Variants in SEMA6C observed in about 807,000 individuals in gnomAD.
SEMA6C encodes the protein semaphorin-6C.
Under a neutral mutation model 72.9 loss-of-function variants are expected in SEMA6C, and 37 were observed. The ratio of observed to expected loss-of-function variants is 0.51; its 90% CI spans 0.39 to 0.67. The LOEUF (loss-of-function observed/expected upper bound fraction) is 0.67. SEMA6C is among the 30% of genes least tolerant of loss of function. SEMA6C has a pLI of 0.00. For missense variants in SEMA6C, 1,189 were observed against 1,263.6 expected (o/e 0.94, Z 0.89); for synonymous variants, 578 against 554.1 (o/e 1.04, Z -0.61).
Position 151,135,714 on chromosome 1 carries a change from T to C in SEMA6C, c.1310A>G (p.Asn437Ser). The change falls in exon 14 of 19, where the codon AAC becomes AGC. Residue 437 changes from asparagine to serine, a missense_variant. Coordinates refer to ENST00000368914, the MANE Select transcript of SEMA6C (RefSeq NM_030913.6). Reference protein sequence around the residue: ...AVDGMAGPHSNITVMFLGSND... With the variant: ...AVDGMAGPHSSITVMFLGSND... The stretch of plus-strand genomic sequence containing the variant: ...GGAGCCAAGGAACATGACTGTGATG[T>C]TACTGTGGGGACCAGCCATGCCATC... 6.2e-7 allele frequency: 1 copy of C among 1,614,152 alleles called. No homozygotes were observed. Among genetic ancestry groups the C allele is most frequent in the Non-Finnish European group, 8.5e-7 (1 of 1,180,018 alleles).
intron 8 of SEMA6C, 83 bp downstream of exon 8, chr1:151,138,232 TG>T: frequency 1.3e-6 from 2 of 1,583,794 alleles, no homozygotes; most frequent in South Asian, 1.2e-5. Context: ...CTCAGGGGAA[TG>T]GGGGAAAGAC....
intron 10 of SEMA6C, among the ~76,000 whole-genome samples, chr1:151,137,440 C>T (rs1430629401): frequency 7.2e-5 from 5 of 69,292 alleles, no homozygotes; most frequent in South Asian, 6.3e-4. Flanking sequence ...AGCAAGACTC[C>T]GTCTCAAAAA....
rs979058681 is a variant in SEMA6C at position 151,132,319 on chromosome 1, C to T, written c.*165G>A. ...CTTCTGTCGAGGACAGGGGGAAAGA[C>T]AGTCAATAAATAAACCCGAGGCGAA... is the stretch of plus-strand genomic sequence containing the variant. On this transcript the variant is annotated 3_prime_UTR_variant, in exon 19 of 19. Transcript: ENST00000368914. 20 of 1,540,416 alleles carry T rather than the reference C, an allele frequency of 1.3e-5. No homozygotes were observed. Among genetic ancestry groups the T allele is most frequent in the Admixed American group, 5.9e-5 (3 of 50,586 alleles).
rs199644598 is a variant in SEMA6C, at chr1:151,135,722, G to A, written c.1302C>T (p.Pro434=). The A allele has an allele frequency of 9.8e-5, 158 of 1,614,190 alleles. No homozygotes were observed. The highest frequency in any genetic ancestry group is 3.2e-4 in the Admixed American group (19 of 60,022). The change falls in exon 14 of 19, where the codon CCC becomes CCT. Residue 434 remains proline, a synonymous_variant. Transcript: ENST00000368914. ...TQVAVDGMAG[P]HSNITVMFLG... ...GGAACATGACTGTGATGTTACTGTG[G>A]GGACCAGCCATGCCATCCACAGCTA...
chr1:151,141,058 A>C (rs1682504534), intron 3 of SEMA6C, among the ~76,000 whole-genome samples: 1 of 152,022 alleles, frequency 6.6e-6, no homozygotes. Flanking sequence ...AGTGTTTGCT[A>C]TTCTTATATA....
At chr1:151,142,450 T>A in intron 3 of SEMA6C, 54 bp downstream of exon 3, 1 of 1,606,798 alleles carries the variant, frequency 6.2e-7, no homozygotes, top group East Asian at 2.2e-5. Flanking sequence ...ACACAGGGGG[T>A]CTCAGTCTCT....
In SEMA6C at chr1:151,132,725, C is replaced by T. The variant is rs975109929; in HGVS notation, c.2552G>A (p.Arg851Lys). Residue 851 changes from arginine (R) to lysine (K), a missense_variant, in exon 19 of 19, where the codon AGG becomes AAG. Around this residue, in one of 2 missense-constraint regions of SEMA6C, gnomAD observed 721 missense variants for 686.2 expected, o/e 1.05. Transcript: ENST00000368914. ...APRLGVGGGR[R>K]LPFSGHRAPP... ...GGCCCGGTGGCCGGAGAAAGGCAAC[C>T]TCCGGCCTCCGCCGACGCCCAGCCG... 1.4e-6 allele frequency: 2 copies of T among 1,471,902 alleles called. No individual in the cohort carries two copies. The highest frequency in any genetic ancestry group is 1.4e-5 in the African/African-American group (1 of 69,278). The allele number at this position is 1,471,902 out of a possible 1,614,324, so 91.2% of individuals were successfully genotyped here.
In SEMA6C at chr1:151,146,421, C is replaced by G. The variant is rs1224428557; in HGVS notation, c.-105+12G>C. On this transcript the variant is annotated intron_variant, in intron 1 of 18. Transcript: ENST00000368914. The surrounding 1 kb of genome is among the most constrained non-coding windows in gnomAD (Gnocchi z 4.6). ...GCCTCCCCGCAGCCCCTTCCCTGCC[C>G]GGGGTACTTGCTCCAGGATTCGGGT... is the stretch of plus-strand genomic sequence containing the variant. 1 of 152,338 alleles carries G rather than the reference C, an allele frequency of 6.6e-6. No individual in the cohort carries two copies. The highest frequency in any genetic ancestry group is 1.5e-5 in the Non-Finnish European group (1 of 68,128). 9.4% of individuals were successfully genotyped at this position (152,338 alleles called of 1,614,324 possible). A position where few individuals can be genotyped will look rare whatever the true frequency, so the allele number is the denominator to read the frequency against.
At position 151,135,145 on chromosome 1, in the gene SEMA6C, G is replaced by A; in HGVS notation, c.1580+18C>T. 6.2e-7 allele frequency: 1 copy of A among 1,612,002 alleles called. No individual in the cohort carries two copies. The highest frequency in any genetic ancestry group is 1.7e-5 in the Admixed American group (1 of 59,700). ...GGGGAGCTTGCCCACACAGGGCCTG[G>A]CCTCAGGCCCCTCTCACCTCTGACA... On this transcript the variant is annotated intron_variant, in intron 15 of 18. Transcript: ENST00000368914.
intron 10 of SEMA6C, among the ~76,000 whole-genome samples, chr1:151,137,343 G>C (rs978490802): frequency 5.3e-5 from 8 of 152,042 alleles, no homozygotes; most frequent in African/African-American, 1.9e-4. Context: ...CTGCTCGGGA[G>C]GCTGAGGCAG....
Position 151,133,337 on chromosome 1 carries a change from C to T in SEMA6C, c.1940G>A (p.Arg647His), listed in dbSNP as rs765789045. Residue 647 changes from arginine (R) to histidine (H), a missense_variant, in exon 19 of 19, where the codon CGC becomes CAC. Coordinates refer to ENST00000368914, the MANE Select transcript of SEMA6C (RefSeq NM_030913.6). This position sits in a 1 kb window ranked among gnomAD's most constrained non-coding sequence, Gnocchi z 5.9. The stretch of plus-strand genomic sequence containing the variant: ...GGCCAAACTGCGGAGGGAGAGAGGG[C>T]GCGGGAGCCCCGGAGTCTCGATGTC... Reference protein sequence around the residue: ...GKDIETPGLPRPLSLRSLARL... With the variant: ...GKDIETPGLPHPLSLRSLARL... 7 of 1,595,372 alleles carry T rather than the reference C, an allele frequency of 4.4e-6. No individual in the cohort carries two copies. In the South Asian group the frequency reaches 5.6e-5, roughly 13 times the overall value.
Position 151,132,185 on chromosome 1 carries a change from C to T in SEMA6C, c.*299G>A. 6.9e-7 allele frequency: 1 copy of T among 1,444,154 alleles called. No homozygotes were observed. The allele number at this position is 1,444,154 out of a possible 1,614,324, so 89.5% of individuals were successfully genotyped here. On this transcript the variant is annotated 3_prime_UTR_variant, in exon 19 of 19. Transcript: ENST00000368914. ...CCGGGGCACAGTCTCTGGGGGAGCC[C>T]CGAGGGGCGAGTTAAGGCAGCTTGG...
chr1:151,134,368 A>G (rs1457192321), intron 18 of SEMA6C, 33 bp downstream of exon 18: 2 of 1,560,098 alleles, frequency 1.3e-6, no homozygotes, highest in Admixed American at 3.8e-5. Context: ...TGGGCTGAGC[A>G]AGGGAAGGTG....
chr1:151,134,048 C>G, intron 18 of SEMA6C: 1 of 1,516,928 alleles, frequency 6.6e-7, no homozygotes, highest in South Asian at 1.3e-5. Context: ...GGCCAGGACC[C>G]GGAAGCACTG....
chr1:151,137,848 C>T (rs760370900), intron 9 of SEMA6C, 49 bp from the exon 10 acceptor site: 6 of 1,588,266 alleles, frequency 3.8e-6, no homozygotes, highest in Middle Eastern at 1.7e-4. Flanking sequence ...TCTGTACCTG[C>T]TCAGAAGCTC....
intron 18 of SEMA6C, chr1:151,134,161 C>T (rs1190904030): frequency 2.3e-6 from 2 of 873,996 alleles, no homozygotes; most frequent in Admixed American, 2.8e-5. Context: ...GTCCAGAACG[C>T]CAGCCTCTAG....
intron 12 of SEMA6C, 139 bp from the exon 13 acceptor site, chr1:151,136,302 C>T (rs1271372379): frequency 6.8e-7 from 1 of 1,470,466 alleles, no homozygotes; most frequent in Non-Finnish European, 9.2e-7. Context: ...TGTCCCCTTC[C>T]CTGCCGCAGC....
At chr1:151,139,895 G>T in intron 4 of SEMA6C, 81 bp downstream of exon 4, 1 of 1,375,292 alleles carries the variant, frequency 7.3e-7, no homozygotes, top group Non-Finnish European at 1.0e-6. Context: ...TCCCCTGCAA[G>T]ATGCTACAGT....
At chr1:151,137,651 C>A in intron 10 of SEMA6C, 60 bp downstream of exon 10, 3 of 1,383,032 alleles carry the variant, frequency 2.2e-6, no homozygotes, top group South Asian at 1.2e-5. Flanking sequence ...CCCACTCAGA[C>A]TGGCTCCTCA....
Sources: gnomAD v4.1 joint callset for allele counts (sites outside exome capture counted in the v4.1 genomes callset) on GRCh38, gnomAD v4.1.1 for gene constraint, gnomAD v4.1.1 regional missense constraint, Gnocchi (gnomAD v3.1) non-coding constraint, MANE v1.5 for transcripts, NCBI Gene and HGNC (gene_info 2026-07-23, HGNC 2026-07-21) for gene names.